The following SRGAP3 variants were observed in gnomAD, a reference collection of about 807,000 sequenced individuals.
The protein encoded by SRGAP3 is SLIT-ROBO Rho GTPase-activating protein 3.
In SRGAP3, 39 loss-of-function variants were observed where a neutral mutation model predicts 121.1. The ratio of observed to expected loss-of-function variants is 0.32; its 90% CI spans 0.25 to 0.42. The LOEUF (loss-of-function observed/expected upper bound fraction) is 0.42. SRGAP3 is among the 10% of genes least tolerant of loss of function. SRGAP3 has a pLI of 1.00. For synonymous variants in SRGAP3, 601 were observed against 570.0 expected (o/e 1.05, Z -0.77); for missense variants, 1,213 against 1,470.6 (o/e 0.82, Z 2.86).
chr3:9,050,469 G>A lies in SRGAP3; in HGVS notation c.1323+2558C>T, dbSNP rs530399266. On this transcript the variant is annotated intron_variant, in intron 9 of 21. Transcript: ENST00000383836. ...AAGCTTCAACCACCTGAAGAACAAC[G>A]AATGTCCGCAAAATAAAGAATGCCA... 8.7e-4 allele frequency among the ~76,000 whole-genome samples: 133 copies of A among 152,280 alleles called. No individual in the cohort carries two copies. The Middle Eastern group carries it at 0.01, about 12-fold the overall frequency.
At chr3:9,042,500 T>C (rs1945067033) in intron 10 of SRGAP3, among the ~76,000 whole-genome samples, 1 of 151,122 alleles carries the variant, frequency 6.6e-6, no homozygotes. Context: ...GAGAGTAATC[T>C]GGGTCTGAAA....
chr3:9,136,727 A>G (rs1407590203), intron 1 of SRGAP3, among the ~76,000 whole-genome samples: 3 of 152,220 alleles, frequency 2.0e-5, no homozygotes, highest in Admixed American at 6.5e-5. Flanking sequence ...CCTGAATCAC[A>G]GGATTGGAAC....
At chr3:9,173,173 C>T (rs1951050603) in intron 1 of SRGAP3, among the ~76,000 whole-genome samples, 1 of 152,210 alleles carries the variant, frequency 6.6e-6, no homozygotes, top group South Asian at 2.1e-4. Flanking sequence ...CCTGCTTCAG[C>T]GGCAACAGGG....
chr3:9,102,669 G>A (rs1354223816), intron 3 of SRGAP3, among the ~76,000 whole-genome samples: 1 of 152,242 alleles, frequency 6.6e-6, no homozygotes, highest in Non-Finnish European at 1.5e-5. Flanking sequence ...TGTGGGCTGG[G>A]TTGTTTCCTT....
chr3:9,045,768 T>C (rs1574970404), intron 10 of SRGAP3, among the ~76,000 whole-genome samples: 2 of 152,322 alleles, frequency 1.3e-5, no homozygotes, highest in South Asian at 4.1e-4. Context: ...GATCTAGTTT[T>C]CCAAATTCAG....
chr3:9,302,877 T>C (rs974531955), intron 3 of SRGAP3, among the ~76,000 whole-genome samples: 6 of 152,098 alleles, frequency 3.9e-5, no homozygotes, highest in Non-Finnish European at 7.4e-5. Context: ...AACCTCAGAA[T>C]TCGAATGGGT....
chr3:9,325,999 G>C (rs1454283867), intron 3 of SRGAP3: 5 of 151,830 alleles, frequency 3.3e-5, no homozygotes, highest in African/African-American at 1.2e-4. Flanking sequence ...AACTTTCCTG[G>C]TTAGTTTTAC....
chr3:9,280,290 G>A (rs541260513), intron 3 of SRGAP3, among the ~76,000 whole-genome samples: 1 of 152,334 alleles, frequency 6.6e-6, no homozygotes, highest in South Asian at 2.1e-4. Context: ...TGATAGCTTC[G>A]AAAGCAGAGT....
chr3:9,265,698 G>T (rs927806877), intron 3 of SRGAP3, among the ~76,000 whole-genome samples: 1 of 151,970 alleles, frequency 6.6e-6, no homozygotes, highest in African/African-American at 2.4e-5. Flanking sequence ...GTTAGAATGG[G>T]GATCATTAAA....
intron 3 of SRGAP3, among the ~76,000 whole-genome samples, chr3:9,082,813 C>T (rs1947303599): frequency 6.6e-6 from 1 of 152,188 alleles, no homozygotes; most frequent in Admixed American, 6.5e-5. Flanking sequence ...ATGATGCCTT[C>T]TCAGGCTCCT....
intron 10 of SRGAP3, among the ~76,000 whole-genome samples, chr3:9,046,663 A>G (rs754834901): frequency 1.3e-4 from 20 of 152,276 alleles, no homozygotes; most frequent in Non-Finnish European, 2.6e-4. Flanking sequence ...CCCTAGCCAG[A>G]CACTCCAGTA....
At chr3:9,105,236 T>G (rs756137257) in intron 2 of SRGAP3, among the ~76,000 whole-genome samples, 9 of 152,204 alleles carry the variant, frequency 5.9e-5, no homozygotes, top group Non-Finnish European at 8.8e-5. Context: ...ATACTTCCAC[T>G]CCCCCATTCT....
In SRGAP3 at chr3:9,180,000, G is replaced by A. The variant is rs536891358; in HGVS notation, c.68-55083C>T. On this transcript the variant is annotated intron_variant, in intron 1 of 21. Transcript: ENST00000383836. Reference sequence around the variant, plus strand: ...CACTGCCTTCCAGGCTGCAGCCTGCGAGGCCAACACTTCTGGGGCATCCCC... The same window carrying A: ...CACTGCCTTCCAGGCTGCAGCCTGCAAGGCCAACACTTCTGGGGCATCCCC... Among the ~76,000 whole-genome samples, 5 of 152,356 alleles carry A rather than the reference G, an allele frequency of 3.3e-5. No homozygotes were observed. The East Asian group carries it at 5.8e-4, about 18-fold the overall frequency.
At chr3:8,998,977 T>C (rs992799547) in intron 18 of SRGAP3, among the ~76,000 whole-genome samples, 20 of 152,248 alleles carry the variant, frequency 1.3e-4, no homozygotes, top group African/African-American at 2.2e-4. Flanking sequence ...CTAGATGTTT[T>C]TGAATTGTGC....
At chr3:9,121,199 C>T (rs1416260658) in intron 2 of SRGAP3, among the ~76,000 whole-genome samples, 2 of 152,156 alleles carry the variant, frequency 1.3e-5, no homozygotes, top group South Asian at 2.1e-4. Context: ...CCCATGCACA[C>T]GCACCCCAGC....
chr3:9,049,683 C>T (rs1312152012), intron 9 of SRGAP3, among the ~76,000 whole-genome samples: 3 of 152,136 alleles, frequency 2.0e-5, no homozygotes, highest in Non-Finnish European at 4.4e-5. Context: ...TCGAGTCTAA[C>T]CCTTCATTTG....
chr3:9,271,532 A>T (rs572838369), intron 3 of SRGAP3, among the ~76,000 whole-genome samples: 7 of 152,274 alleles, frequency 4.6e-5, no homozygotes, highest in African/African-American at 1.7e-4. Context: ...TCCCGGTTTC[A>T]GAACTTCCCA....
At chr3:9,142,864 G>T (rs1169656767) in intron 1 of SRGAP3, among the ~76,000 whole-genome samples, 1 of 96,320 alleles carries the variant, frequency 1.0e-5, no homozygotes, top group Non-Finnish European at 2.0e-5. Flanking sequence ...ATAAGACAGG[G>T]TCTCTCTCTG....
intron 1 of SRGAP3, among the ~76,000 whole-genome samples, chr3:9,151,902 C>T (rs1347916083): frequency 2.0e-5 from 3 of 152,188 alleles, no homozygotes; most frequent in South Asian, 2.1e-4. Flanking sequence ...AAGGAACTGT[C>T]GAAGCTGCAA....
Sources: allele counts gnomAD v4.1 joint callset (sites outside exome capture counted in the v4.1 genomes callset), GRCh38; gene constraint gnomAD v4.1.1; transcripts MANE v1.5; gene names NCBI Gene and HGNC (gene_info 2026-07-23, HGNC 2026-07-21).